YAP1: variants seen among roughly 807,000 people sequenced by gnomAD.
YAP1 encodes transcriptional coactivator YAP1.
A neutral mutation model predicts 56.9 loss-of-function variants in YAP1; 5 were observed. That is an observed-to-expected ratio of 0.09 (90% CI 0.05 to 0.18). The LOEUF is 0.18. Among genes scored for constraint, YAP1 ranks in the 10% least tolerant of loss-of-function variants. YAP1 has a pLI of 1.00. For synonymous variants in YAP1, 265 were observed against 248.1 expected, an observed-to-expected ratio of 1.07 and a Z score of -0.64; for missense variants, 539 against 651.8, an observed-to-expected ratio of 0.83 and a Z score of 1.88.
chr11:102,184,043 C>G (rs368587614), intron 3 of YAP1, among the ~76,000 whole-genome samples: 3 of 146,992 alleles, frequency 2.0e-5, no homozygotes, highest in Non-Finnish European at 3.0e-5. Context: ...CGCCACTGCA[C>G]TCCAGCCTGG....
chr11:102,165,844 G>A (rs772767941), intron 3 of YAP1, among the ~76,000 whole-genome samples: 3 of 152,130 alleles, frequency 2.0e-5, no homozygotes, highest in Non-Finnish European at 2.9e-5. Flanking sequence ...ACTAACGAAC[G>A]TCCTGGAGGC....
At chr11:102,112,511 A>C (rs779241292) in intron 1 of YAP1, 51 of 983,462 alleles carry the variant, frequency 5.2e-5, no homozygotes, top group Non-Finnish European at 5.7e-5. Context: ...GGTTTTCCAA[A>C]TACTGCAATG....
intron 2 of YAP1, among the ~76,000 whole-genome samples, chr11:102,141,551 AC>A (rs1420917907): frequency 6.6e-6 from 1 of 152,134 alleles, no homozygotes; most frequent in African/African-American, 2.4e-5. Context: ...AGAGAGACTT[AC>A]TTCTGTGTTG....
rs781457667 is a variant in YAP1 at position 102,206,070 on chromosome 11, G to A, written c.980G>A (p.Arg327Gln). 3.7e-6 allele frequency: 6 copies of A among 1,612,998 alleles called. No homozygotes were observed. Among genetic ancestry groups the A allele is most frequent in the Admixed American group, 3.3e-5 (2 of 59,956 alleles). ...RLRLKQQELL[R>Q]QAMRNINPST... ...CGGCTGAAACAGCAAGAACTGCTTC[G>A]GCAGGTGAGGCCACAGGTTAGAAAC... is the stretch of plus-strand genomic sequence containing the variant. The change falls in exon 5 of 9, where the codon CGG becomes CAG. Residue 327 changes from arginine (R) to glutamine (Q), a missense_variant. Physicochemically the swap from Arg to Gln is conservative, Grantham distance 43. Transcript: ENST00000282441.
chr11:102,181,243 C>A (rs368679035), intron 3 of YAP1, among the ~76,000 whole-genome samples: 27 of 151,632 alleles, frequency 1.8e-4, no homozygotes, highest in African/African-American at 6.3e-4. Flanking sequence ...CAGGAGATCG[C>A]GACAATCCTG....
At chr11:102,156,861 A>G (rs1011737682) in intron 2 of YAP1, among the ~76,000 whole-genome samples, 10 of 152,176 alleles carry the variant, frequency 6.6e-5, no homozygotes, top group African/African-American at 1.2e-4. Context: ...GGGAATAATC[A>G]TTTCCCAGGG....
At chr11:102,222,801 T>C (rs997921910) in intron 6 of YAP1, among the ~76,000 whole-genome samples, 1 of 150,718 alleles carries the variant, frequency 6.6e-6, no homozygotes, top group African/African-American at 2.4e-5. Flanking sequence ...TGTGAAATAG[T>C]GTTGGGGGTT....
rs201407836 is a variant in YAP1, at chr11:102,153,853, T to TAA, written c.573-8591_573-8590dup. The stretch of plus-strand genomic sequence containing the variant: ...ATTCCTCTCCATACAGAGGAACTCT[T>TAA]AAAAAAAAAAAAATCTGTAAGACCT... On this transcript the variant is annotated intron_variant, in intron 2 of 8. Coordinates refer to ENST00000282441, the MANE Select transcript of YAP1 (RefSeq NM_001130145.3). Among the ~76,000 whole-genome samples the TAA allele has an allele frequency of 6.9e-3, 1,002 of 145,452 alleles. 11 individuals carry two copies. Among genetic ancestry groups the TAA allele is most frequent in the African/African-American group, 0.024 (956 of 40,028 alleles).
intron 2 of YAP1, among the ~76,000 whole-genome samples, chr11:102,125,850 A>C (rs906809710): frequency 6.6e-6 from 1 of 151,968 alleles, no homozygotes; most frequent in Non-Finnish European, 1.5e-5. Flanking sequence ...GGTAGGCTTC[A>C]TTGGAGAGTA....
chr11:102,157,094 A>T (rs749469095), intron 2 of YAP1, among the ~76,000 whole-genome samples: 1 of 152,216 alleles, frequency 6.6e-6, no homozygotes, highest in Admixed American at 6.5e-5. Flanking sequence ...TAACTCATTA[A>T]CAGCCTTCAG....
At chr11:102,195,198 C>T (rs1948511325) in intron 4 of YAP1, among the ~76,000 whole-genome samples, 1 of 152,182 alleles carries the variant, frequency 6.6e-6, no homozygotes, top group Non-Finnish European at 1.5e-5. Context: ...CCCTTTTCTG[C>T]CTCACCTCAT....
intron 3 of YAP1, among the ~76,000 whole-genome samples, chr11:102,180,796 T>G (rs1183718722): frequency 6.6e-6 from 1 of 151,780 alleles, no homozygotes; most frequent in Non-Finnish European, 1.5e-5. Context: ...GAACTCTTCA[T>G]CTGTATTGAG....
At chr11:102,218,150 T>A (rs747896498) in intron 6 of YAP1, among the ~76,000 whole-genome samples, 12 of 152,252 alleles carry the variant, frequency 7.9e-5, no homozygotes, top group Non-Finnish European at 1.5e-4. Context: ...CACCTGTAAC[T>A]AAAAGTTTCA....
At chr11:102,119,172 G>A (rs1943497837) in intron 2 of YAP1, among the ~76,000 whole-genome samples, 1 of 151,900 alleles carries the variant, frequency 6.6e-6, no homozygotes, top group Non-Finnish European at 1.5e-5. Flanking sequence ...CTCAGTGGGT[G>A]GGCATCCCAG....
intron 2 of YAP1, among the ~76,000 whole-genome samples, chr11:102,136,995 C>A (rs1036858684): frequency 3.9e-5 from 6 of 152,090 alleles, no homozygotes; most frequent in African/African-American, 1.4e-4. Context: ...TGTAAAGTTC[C>A]GCAAAGGACC....
rs1950486425 is a variant in YAP1, at chr11:102,233,223, A to G, written c.*3283A>G. 6.6e-6 allele frequency: 1 copy of G among 152,160 alleles called. No individual in the cohort carries two copies. The highest frequency in any genetic ancestry group is 1.5e-5 in the Non-Finnish European group (1 of 68,032). 9.4% of individuals were successfully genotyped at this position (152,160 alleles called of 1,614,324 possible). A position where few individuals can be genotyped will look rare whatever the true frequency, so the allele number is the denominator to read the frequency against. ...TGAAAAAGTATTCTCCACATTTTAA[A>G]TGTTTTATATTAGAGAATTCTTTAA... On this transcript the variant is annotated 3_prime_UTR_variant, in exon 9 of 9. Transcript: ENST00000282441.
chr11:102,148,787 G>A (rs932326947), intron 2 of YAP1, among the ~76,000 whole-genome samples: 23 of 152,172 alleles, frequency 1.5e-4, no homozygotes, highest in African/African-American at 5.3e-4. Flanking sequence ...TGCACATGTA[G>A]AGATTTAATA....
chr11:102,168,054 TTATAA>T (rs899048984), intron 3 of YAP1, among the ~76,000 whole-genome samples: 80 of 151,996 alleles, frequency 5.3e-4, no homozygotes, highest in African/African-American at 1.9e-3. Context: ...AAAAAAAAAG[TTATAA>T]TATAAATTAG....
intron 3 of YAP1, among the ~76,000 whole-genome samples, chr11:102,179,664 C>G (rs959874568): frequency 6.6e-6 from 1 of 152,046 alleles, no homozygotes; most frequent in Non-Finnish European, 1.5e-5. Context: ...TCCCATTTTT[C>G]TTTTTCTTTC....
Sources: allele counts gnomAD v4.1 joint callset (sites outside exome capture counted in the v4.1 genomes callset), GRCh38; gene constraint gnomAD v4.1.1; transcripts MANE v1.5; gene names NCBI Gene and HGNC (gene_info 2026-07-23, HGNC 2026-07-21).